Variants in CDIN1 observed in about 807,000 individuals in gnomAD.
The protein encoded by CDIN1 is CDAN1 interacting nuclease 1, also known as CDAN1-interacting nuclease 1.
In CDIN1, 33 loss-of-function variants were observed where a neutral mutation model predicts 45.3. That is an observed-to-expected ratio of 0.73 (90% confidence interval 0.55 to 0.97). The LOEUF (loss-of-function observed/expected upper bound fraction) is 0.97. Among genes scored for constraint, CDIN1 ranks in the 50% least tolerant of loss-of-function variants. The pLI is 0.00. For missense variants in CDIN1, 303 were observed against 339.4 expected (o/e 0.89, Z 0.84); for synonymous variants, 118 against 124.4 (o/e 0.95, Z 0.34).
chr15:36,742,622 A>T (rs766987616), intron 10 of CDIN1, among the ~76,000 whole-genome samples: 27 of 152,024 alleles, frequency 1.8e-4, no homozygotes, highest in Non-Finnish European at 3.2e-4. Context: ...TTGAGTTGAG[A>T]CCTCCTTCTG....
intron 2 of CDIN1, 74 bp downstream of exon 2, chr15:36,644,397 A>T: frequency 6.9e-7 from 1 of 1,458,394 alleles, no homozygotes; most frequent in Non-Finnish European, 9.5e-7. Flanking sequence ...TTTCTTTGTA[A>T]TTGAACTGCC....
At chr15:36,715,131 G>T (rs2043177238) in intron 10 of CDIN1, among the ~76,000 whole-genome samples, 1 of 152,136 alleles carries the variant, frequency 6.6e-6, no homozygotes, top group Admixed American at 6.5e-5. Flanking sequence ...GGCGAGATGA[G>T]CACCAGAGGA....
At chr15:36,680,588 T>C (rs566169691) in intron 5 of CDIN1, among the ~76,000 whole-genome samples, 7 of 152,232 alleles carry the variant, frequency 4.6e-5, no homozygotes, top group African/African-American at 1.4e-4. Flanking sequence ...CTACAGAAAT[T>C]GCTAACTTCA....
chr15:36,757,959 T>C (rs1204920949), intron 10 of CDIN1, among the ~76,000 whole-genome samples: 2 of 152,156 alleles, frequency 1.3e-5, no homozygotes, highest in Non-Finnish European at 2.9e-5. Context: ...ATTGTCATAA[T>C]GGTTCTTTTT....
chr15:36,663,544 A>G (rs958024832), intron 5 of CDIN1, among the ~76,000 whole-genome samples: 34 of 152,060 alleles, frequency 2.2e-4, no homozygotes, highest in African/African-American at 8.0e-4. Flanking sequence ...ACAAGATCTG[A>G]TGGTTTTATA....
chr15:36,752,927 G>A (rs2053514266), intron 10 of CDIN1, among the ~76,000 whole-genome samples: 1 of 152,162 alleles, frequency 6.6e-6, no homozygotes, highest in Non-Finnish European at 1.5e-5. Flanking sequence ...GATGGGCATT[G>A]TGGTACATTT....
At chr15:36,798,016 A>T (rs919090347) in intron 10 of CDIN1, among the ~76,000 whole-genome samples, 1 of 127,214 alleles carries the variant, frequency 7.9e-6, no homozygotes. Flanking sequence ...TATAGTAGAG[A>T]GTTATTAGCA....
intron 10 of CDIN1, among the ~76,000 whole-genome samples, chr15:36,797,481 G>GCAGC (rs1179989178): frequency 6.6e-6 from 1 of 152,148 alleles, no homozygotes; most frequent in African/African-American, 2.4e-5. Context: ...TCACAGCCTT[G>GCAGC]CAGCCACCAC....
At chr15:36,677,209 A>G (rs1295556113) in intron 5 of CDIN1, among the ~76,000 whole-genome samples, 2 of 152,164 alleles carry the variant, frequency 1.3e-5, no homozygotes, top group Admixed American at 1.3e-4. Context: ...TGACAAAAAC[A>G]ATTCCTTAAT....
intron 1 of CDIN1, chr15:36,613,563 T>A: frequency 4.0e-6 from 6 of 1,500,612 alleles, no homozygotes; most frequent in Non-Finnish European, 5.5e-6. Context: ...GCTGAGCGCC[T>A]CCAGCAAGAA....
intron 1 of CDIN1, among the ~76,000 whole-genome samples, chr15:36,637,315 C>T (rs2039941506): frequency 6.6e-6 from 1 of 152,110 alleles, no homozygotes; most frequent in Non-Finnish European, 1.5e-5. Flanking sequence ...ATGAAAATAT[C>T]TGCATGAATG....
In CDIN1 at chr15:36,803,301, C is replaced by T. The variant is rs546248749; in HGVS notation, c.717-5023C>T. ...ATAGTGCAAGTTAGGAGCTAAGAAG[C>T]TCAGTTGGTATACCTGGCACTGATC... On this transcript the variant is annotated intron_variant, in intron 10 of 10. Coordinates refer to ENST00000566621, the MANE Select transcript of CDIN1 (RefSeq NM_001321759.2). Among the ~76,000 whole-genome samples the T allele has an allele frequency of 1.3e-4, 20 of 150,760 alleles. No individual in the cohort carries two copies. The East Asian group carries it at 3.9e-3, about 29-fold the overall frequency.
rs749183771 is a variant in CDIN1, at chr15:36,657,816, A to G, written c.274-17A>G. On this transcript the variant is annotated splice_polypyrimidine_tract_variant and intron_variant, in intron 4 of 10. Coordinates refer to ENST00000566621, the MANE Select transcript of CDIN1 (RefSeq NM_001321759.2). ...CACAACTTGATAGTTTTAATTTTCT[A>G]CTTCTGTTTTATAAAGGTGGACTAT... The G allele has an allele frequency of 1.4e-5, 23 of 1,598,352 alleles. No homozygotes were observed. Among genetic ancestry groups the G allele is most frequent in the Non-Finnish European group, 2.0e-5 (23 of 1,170,864 alleles).
At chr15:36,795,855 T>C (rs72708642) in intron 10 of CDIN1, among the ~76,000 whole-genome samples, 1 of 152,002 alleles carries the variant, frequency 6.6e-6, no homozygotes, top group Non-Finnish European at 1.5e-5. Flanking sequence ...GGAATGAACC[T>C]CTGCACCTGA....
intron 10 of CDIN1, among the ~76,000 whole-genome samples, chr15:36,788,100 ATATATATT>A (rs1466362438): frequency 2.8e-5 from 1 of 35,708 alleles, no homozygotes; most frequent in African/African-American, 1.1e-4. Context: ...ATATATATAT[ATATATATT>A]TTTTTTTTTT....
rs116820550 is a variant in CDIN1 at position 36,653,924 on chromosome 15, A to T, written c.213-174A>T. On this transcript the variant is annotated intron_variant, in intron 3 of 10. Coordinates refer to ENST00000566621, the MANE Select transcript of CDIN1 (RefSeq NM_001321759.2). ...CTTAGTTGCCAGTGGTTTTGAGGTGAGTTGTTTGTGTTATGTTTTTCCCTT... is the reference window on the plus strand; with the variant it reads ...CTTAGTTGCCAGTGGTTTTGAGGTGTGTTGTTTGTGTTATGTTTTTCCCTT... Among the ~76,000 whole-genome samples the T allele has an allele frequency of 3.8e-3, 585 of 152,224 alleles. 5 individuals are homozygous for T. The highest frequency in any genetic ancestry group is 0.013 in the African/African-American group (560 of 41,534).
intron 5 of CDIN1, among the ~76,000 whole-genome samples, chr15:36,660,246 C>T (rs1270494147): frequency 6.6e-6 from 1 of 152,136 alleles, no homozygotes; most frequent in African/African-American, 2.4e-5. Context: ...TCCCTGACCA[C>T]ACTTTTTGTC....
intron 3 of CDIN1, among the ~76,000 whole-genome samples, chr15:36,646,309 C>T (rs2140415211): frequency 6.6e-6 from 1 of 152,194 alleles, no homozygotes; most frequent in Non-Finnish European, 1.5e-5. Flanking sequence ...AGGAAAGTCA[C>T]AGAAGTTAGA....
rs562536120 is a variant in CDIN1 at position 36,768,285 on chromosome 15, C to G, written c.717-40039C>G. ...GAGGGGCCTGACCTTTGGTCCAAGTCCTAGGATCCGTTTAGCTACTGCCTC... is the reference window on the plus strand; with the variant it reads ...GAGGGGCCTGACCTTTGGTCCAAGTGCTAGGATCCGTTTAGCTACTGCCTC... On this transcript the variant is annotated intron_variant, in intron 10 of 10. Coordinates refer to ENST00000566621, the MANE Select transcript of CDIN1 (RefSeq NM_001321759.2). 3.3e-5 allele frequency among the ~76,000 whole-genome samples: 5 copies of G among 152,340 alleles called. No individual in the cohort carries two copies. The South Asian group carries it at 1.0e-3, about 32-fold the overall frequency.
Sources: gnomAD v4.1 joint callset for allele counts (sites outside exome capture counted in the v4.1 genomes callset) on GRCh38, gnomAD v4.1.1 for gene constraint, MANE v1.5 for transcripts, NCBI Gene and HGNC (gene_info 2026-07-23, HGNC 2026-07-21) for gene names.